SKI: variants seen among roughly 807,000 people sequenced by gnomAD.
SKI encodes SKI proto-oncogene.
A neutral mutation model predicts 59.3 loss-of-function variants in SKI; 23 were observed. That is an observed-to-expected ratio of 0.39 (90% CI 0.28 to 0.55). The LOEUF (loss-of-function observed/expected upper bound fraction) is 0.55. SKI is among the 20% of genes least tolerant of loss of function. SKI has a pLI of 0.67. For missense variants in SKI, 1,017 were observed against 1,038.9 expected (o/e 0.98, Z 0.29); for synonymous variants, 673 against 488.6 (o/e 1.38, Z -4.98).
At chr1:2,253,113 A>G (rs1010730328) in intron 1 of SKI, among the ~76,000 whole-genome samples, 1 of 149,990 alleles carries the variant, frequency 6.7e-6, no homozygotes, top group Non-Finnish European at 1.5e-5. Flanking sequence ...AAAAAAAAAT[A>G]GAGTTGCTAA....
intron 1 of SKI, among the ~76,000 whole-genome samples, chr1:2,287,830 G>A (rs906109480): frequency 2.6e-5 from 4 of 152,202 alleles, no homozygotes; most frequent in African/African-American, 7.2e-5. Context: ...GGGGTCTCCA[G>A]TGTGTCCCCG....
In SKI at chr1:2,229,297, C is replaced by T. The variant is rs1286351303; in HGVS notation, c.531C>T (p.Ile177=). 8 of 1,596,414 alleles carry T rather than the reference C, an allele frequency of 5.0e-6. No homozygotes were observed. The highest frequency in any genetic ancestry group is 2.2e-5 in the South Asian group (2 of 89,134). The change falls in exon 1 of 7, where the codon ATC becomes ATT. Residue 177 remains isoleucine (I), a synonymous_variant. Coordinates refer to ENST00000378536, the MANE Select transcript of SKI (RefSeq NM_003036.4). The surrounding 1 kb of genome is among the most constrained non-coding windows in gnomAD (Gnocchi z 6.3). Reference sequence around the variant, plus strand: ...TCTCGGCGCCCTCGTGCGGGCTCATCACCAAGACGGACGCCGAGCGCCTGT... The same window carrying T: ...TCTCGGCGCCCTCGTGCGGGCTCATTACCAAGACGGACGCCGAGCGCCTGT... ...LPFSAPSCGL[I]TKTDAERLCN... is the part of the protein sequence containing the mutation.
chr1:2,293,650 C>T (rs557944131), intron 1 of SKI, among the ~76,000 whole-genome samples: 1 of 152,322 alleles, frequency 6.6e-6, no homozygotes, highest in Admixed American at 6.5e-5. Flanking sequence ...CCGTGTCTTG[C>T]TTTAAGCTGC....
intron 5 of SKI, among the ~76,000 whole-genome samples, chr1:2,305,615 G>A (rs1195984521): frequency 1.3e-5 from 2 of 152,194 alleles, no homozygotes; most frequent in Non-Finnish European, 1.5e-5. Context: ...GCGGATGGAC[G>A]TGTCCATCTG....
At chr1:2,236,746 C>G (rs1020660857) in intron 1 of SKI, among the ~76,000 whole-genome samples, 1 of 152,182 alleles carries the variant, frequency 6.6e-6, no homozygotes, top group Admixed American at 6.5e-5. Flanking sequence ...CGTCTTCTGA[C>G]CTGGGGGGCG....
intron 1 of SKI, among the ~76,000 whole-genome samples, chr1:2,280,655 C>A (rs1192859177): frequency 8.2e-6 from 1 of 121,480 alleles, no homozygotes; most frequent in African/African-American, 3.2e-5. Flanking sequence ...GAGAGGACAC[C>A]CGAGAAGACA....
chr1:2,229,543 C>T lies in SKI; in HGVS notation c.777C>T (p.Phe259=), dbSNP rs2100790901. The T allele has an allele frequency of 1.2e-6, 2 of 1,611,404 alleles. No individual in the cohort carries two copies. Among genetic ancestry groups the T allele is most frequent in the Non-Finnish European group, 1.7e-6 (2 of 1,179,944 alleles). ...DCRLMYPPHK[F]VVHSHKALEN... ...GCCTCATGTACCCGCCGCACAAGTT[C>T]GTGGTGCACTCGCACAAGGCCCTGG... is the stretch of plus-strand genomic sequence containing the variant. The change falls in exon 1 of 7, where the codon TTC becomes TTT. Residue 259 remains phenylalanine (F), a synonymous_variant. Coordinates refer to ENST00000378536, the MANE Select transcript of SKI (RefSeq NM_003036.4). This position sits in a 1 kb window ranked among gnomAD's most constrained non-coding sequence, Gnocchi z 6.3.
At chr1:2,280,402 C>T (rs1443016246) in intron 1 of SKI, among the ~76,000 whole-genome samples, 2 of 151,852 alleles carry the variant, frequency 1.3e-5, no homozygotes, top group African/African-American at 2.4e-5. Context: ...TGACCACAGC[C>T]CCTTCTCACA....
intron 1 of SKI, among the ~76,000 whole-genome samples, chr1:2,297,880 GC>G (rs1438943377): frequency 6.6e-6 from 1 of 152,242 alleles, no homozygotes; most frequent in Non-Finnish European, 1.5e-5. Context: ...GGGTCCCCTT[GC>G]CCCGTGGCTG....
At chr1:2,259,915 C>T (rs1435802950) in intron 1 of SKI, among the ~76,000 whole-genome samples, 1 of 152,192 alleles carries the variant, frequency 6.6e-6, no homozygotes, top group Non-Finnish European at 1.5e-5. Context: ...TCCATTTGCC[C>T]GTTGGAGCGT....
chr1:2,266,914 C>T (rs1639511894), intron 1 of SKI, among the ~76,000 whole-genome samples: 1 of 152,152 alleles, frequency 6.6e-6, no homozygotes, highest in Non-Finnish European at 1.5e-5. Context: ...TGAGATGGCC[C>T]TGGAGGCCCT....
chr1:2,255,374 G>C (rs563063579), intron 1 of SKI, among the ~76,000 whole-genome samples: 1 of 152,366 alleles, frequency 6.6e-6, no homozygotes, highest in Non-Finnish European at 1.5e-5. Context: ...TGATTAATAT[G>C]ACTGAGTGGT....
chr1:2,229,315 G>A lies in SKI; in HGVS notation c.549G>A (p.Glu183=). ...GGCTCATCACCAAGACGGACGCCGA[G>A]CGCCTGTGCAACGCGCTGCTCTACG... ...SCGLITKTDA[E]RLCNALLYGG... The change falls in exon 1 of 7, where the codon GAG becomes GAA. Residue 183 remains glutamate, a synonymous_variant. Transcript: ENST00000378536. This position sits in a 1 kb window ranked among gnomAD's most constrained non-coding sequence, Gnocchi z 6.3. 6.3e-7 allele frequency: 1 copy of A among 1,596,418 alleles called. No individual in the cohort carries two copies. Among genetic ancestry groups the A allele is most frequent in the Non-Finnish European group, 8.5e-7 (1 of 1,172,420 alleles).
Position 2,303,313 on chromosome 1 carries a change from G to A in SKI, c.1124G>A (p.Arg375His), listed in dbSNP as rs762209697. ...KSLGCVHPRQRLSAFRPWSPA... is the reference protein window; with the variant it reads ...KSLGCVHPRQHLSAFRPWSPA... ...CTGGGCTGTGTTCACCCTCGCCAGC[G>A]CCTCTCTGCTTTCCGACCCTGGTCC... Residue 375 changes from arginine (R) to histidine (H), a missense_variant, in exon 3 of 7, where the codon CGC (arginine) becomes CAC (histidine). Transcript: ENST00000378536. The surrounding 1 kb of genome is among the most constrained non-coding windows in gnomAD (Gnocchi z 5.6). 11 of 1,613,680 alleles carry A rather than the reference G, an allele frequency of 6.8e-6. No individual in the cohort carries two copies. The highest frequency in any genetic ancestry group is 5.3e-5 in the African/African-American group (4 of 74,924).
In SKI at chr1:2,283,353, G is replaced by A. The variant is rs549350401; in HGVS notation, c.970-19625G>A. Reference sequence around the variant, plus strand: ...AGGGCAAGGACTCAGAGCCTCAGGGGGGGGAGGGCAGGGCCTCCTGAGGAG... The same window carrying A: ...AGGGCAAGGACTCAGAGCCTCAGGGAGGGGAGGGCAGGGCCTCCTGAGGAG... On this transcript the variant is annotated intron_variant, in intron 1 of 6. Transcript: ENST00000378536. 1.7e-4 allele frequency among the ~76,000 whole-genome samples: 18 copies of A among 103,284 alleles called. 1 individual carries two copies. Among genetic ancestry groups the A allele is most frequent in the Non-Finnish European group, 1.8e-4 (9 of 49,546 alleles). 67.8% of individuals were successfully genotyped at this position (103,284 alleles called of 152,430 possible). A position where few individuals can be genotyped will look rare whatever the true frequency, so the allele number is the denominator to read the frequency against.
At chr1:2,242,116 C>T (rs1249960850) in intron 1 of SKI, among the ~76,000 whole-genome samples, 1 of 152,330 alleles carries the variant, frequency 6.6e-6, no homozygotes, top group South Asian at 2.1e-4. Context: ...GAGGGCCAGC[C>T]TCCCCACCTA....
chr1:2,291,650 T>C (rs1308168163), intron 1 of SKI, among the ~76,000 whole-genome samples: 5 of 49,102 alleles, frequency 1.0e-4, no homozygotes, highest in African/African-American at 4.1e-4. Context: ...TTCCAGCACC[T>C]TCCCCCCTGG....
chr1:2,287,142 G>A (rs955644330), intron 1 of SKI, among the ~76,000 whole-genome samples: 4 of 152,022 alleles, frequency 2.6e-5, no homozygotes, highest in East Asian at 1.9e-4. Flanking sequence ...GCACCCTCCC[G>A]CCCGGGGTGC....
rs767893985 is a variant in SKI, at chr1:2,303,948, C to T, written c.1320C>T (p.Ser440=). ...GCCCTCCGTGTGCCGCCGCCGTCTC[C>T]CGGGCCCCCGAGCCTCTCGCCACTT... ...VSSPPCAAAV[S]RAPEPLATCT... is the part of the protein sequence containing the mutation. Residue 440 remains serine, a synonymous_variant, in exon 4 of 7, where the codon TCC becomes TCT. Transcript: ENST00000378536. The surrounding 1 kb of genome is among the most constrained non-coding windows in gnomAD (Gnocchi z 5.6). The T allele has an allele frequency of 1.2e-6, 2 of 1,611,802 alleles. No individual in the cohort carries two copies. Among genetic ancestry groups the T allele is most frequent in the South Asian group, 2.2e-5 (2 of 91,026 alleles).
Sources: gnomAD v4.1 joint callset for allele counts (sites outside exome capture counted in the v4.1 genomes callset) on GRCh38, gnomAD v4.1.1 for gene constraint, Gnocchi (gnomAD v3.1) non-coding constraint, MANE v1.5 for transcripts, NCBI Gene and HGNC (gene_info 2026-07-23, HGNC 2026-07-21) for gene names.